The following STK10 variants were observed in gnomAD, a reference collection of about 807,000 sequenced individuals.
STK10 encodes serine/threonine kinase 10, also known as serine/threonine-protein kinase 10.
A neutral mutation model predicts 113.8 loss-of-function variants in STK10; 78 were observed. The ratio of observed to expected loss-of-function variants is 0.69; its 90% CI spans 0.57 to 0.83. STK10 has a LOEUF of 0.83. Among genes scored for constraint, STK10 ranks in the 40% least tolerant of loss-of-function variants. The probability of loss-of-function intolerance (pLI) is 0.00; values close to 1 mark genes in which losing one functional copy is unlikely to be tolerated. For synonymous variants in STK10, 465 were observed against 494.7 expected (o/e 0.94, Z 0.80); for missense variants, 1,109 against 1,280.1 (o/e 0.87, Z 2.04).
chr5:172,053,136 G>A, intron 17 of STK10, 94 bp from the exon 18 acceptor site: 1 of 892,384 alleles, frequency 1.1e-6, no homozygotes, highest in South Asian at 1.5e-5. Context: ...GAGGGCACCA[G>A]CATCGTTCAT....
chr5:172,064,513 A>G (rs1768022179), intron 13 of STK10: 1 of 603,254 alleles, frequency 1.7e-6, no homozygotes, highest in African/African-American at 1.9e-5. Flanking sequence ...CAGAGATGGA[A>G]GAGCTTACTT....
rs138800159 is a variant in STK10 at position 172,159,209 on chromosome 5, A to G, written c.157-2421T>C. On this transcript the variant is annotated intron_variant, in intron 1 of 18. Coordinates refer to ENST00000176763, the MANE Select transcript of STK10 (RefSeq NM_005990.4). Reference sequence around the variant, plus strand: ...GTTGGTGGGGAATGCTGCAGCAAACATCTCACCCACCCTGCTGCATGGGGT... The same window carrying G: ...GTTGGTGGGGAATGCTGCAGCAAACGTCTCACCCACCCTGCTGCATGGGGT... Among the ~76,000 whole-genome samples the G allele has an allele frequency of 1.2e-4, 18 of 152,288 alleles. No individual in the cohort carries two copies. The East Asian group carries it at 3.3e-3, about 28-fold the overall frequency.
intron 2 of STK10, among the ~76,000 whole-genome samples, chr5:172,153,577 A>G (rs1770290459): frequency 6.6e-6 from 1 of 152,228 alleles, no homozygotes; most frequent in African/African-American, 2.4e-5. Flanking sequence ...ATGGCTACAG[A>G]AGGGACCTAA....
At position 172,188,022 on chromosome 5, in the gene STK10, G is replaced by A; in HGVS notation, c.21C>T (p.Arg7=). Residue 7 remains arginine (R), a synonymous_variant, in exon 1 of 19, where the codon CGC becomes CGT. Transcript: ENST00000176763. The surrounding 1 kb of genome is among the most constrained non-coding windows in gnomAD (Gnocchi z 5.6). MAFANF[R]RILRLSTFEK... is the part of the protein sequence containing the mutation. ...CGAAGGTAGACAGGCGCAGGATGCG[G>A]CGGAAATTGGCAAAAGCCATGGCCG... is the stretch of plus-strand genomic sequence containing the variant. 2 of 1,612,948 alleles carry A rather than the reference G, an allele frequency of 1.2e-6. No homozygotes were observed. Among genetic ancestry groups the A allele is most frequent in the Non-Finnish European group, 1.7e-6 (2 of 1,179,668 alleles).
chr5:172,178,573 A>T (rs1442161939), intron 1 of STK10, among the ~76,000 whole-genome samples: 1 of 152,166 alleles, frequency 6.6e-6, no homozygotes, highest in Non-Finnish European at 1.5e-5. Flanking sequence ...CTACTCAGGC[A>T]ATTCTCACAA....
chr5:172,160,390 G>T (rs1770447058), intron 1 of STK10, among the ~76,000 whole-genome samples: 1 of 151,656 alleles, frequency 6.6e-6, no homozygotes, highest in South Asian at 2.1e-4. Context: ...TGGGAGAACT[G>T]CTTGAACCTG....
intron 14 of STK10, among the ~76,000 whole-genome samples, chr5:172,059,434 CA>C (rs58446505): frequency 0.068 from 3,849 of 56,994 alleles, 28 homozygotes; most frequent in Non-Finnish European, 0.11. Context: ...CTCTCCATCT[CA>C]AAAAAAAAAA....
intron 1 of STK10, among the ~76,000 whole-genome samples, chr5:172,169,474 G>T (rs1479937402): frequency 2.6e-5 from 4 of 151,770 alleles, no homozygotes; most frequent in African/African-American, 9.7e-5. Flanking sequence ...TGGATGAGAG[G>T]TTGGGTGAAT....
At chr5:172,166,158 C>T (rs967080182) in intron 1 of STK10, among the ~76,000 whole-genome samples, 1 of 152,134 alleles carries the variant, frequency 6.6e-6, no homozygotes, top group Non-Finnish European at 1.5e-5. Flanking sequence ...GCTGCTAAAT[C>T]GGTAGAATGA....
At chr5:172,142,913 T>C (rs1770007394) in intron 2 of STK10, among the ~76,000 whole-genome samples, 1 of 152,192 alleles carries the variant, frequency 6.6e-6, no homozygotes, top group African/African-American at 2.4e-5. Context: ...GCCCCTCTGC[T>C]TCTTTGCTCC....
chr5:172,122,692 A>C (rs559352244), intron 3 of STK10, among the ~76,000 whole-genome samples: 2 of 152,168 alleles, frequency 1.3e-5, no homozygotes, highest in Non-Finnish European at 2.9e-5. Context: ...GGCACGATCT[A>C]GGCTCACTGC....
intron 10 of STK10, among the ~76,000 whole-genome samples, chr5:172,083,553 G>C (rs1431508143): frequency 6.6e-6 from 1 of 152,160 alleles, no homozygotes; most frequent in Non-Finnish European, 1.5e-5. Context: ...TTTTGACATA[G>C]TAGTTTCCAC....
At chr5:172,055,397 C>A (rs1337316579) in intron 16 of STK10, among the ~76,000 whole-genome samples, 191 bp downstream of exon 16, 1 of 151,968 alleles carries the variant, frequency 6.6e-6, no homozygotes. Context: ...GCTGTGTTGC[C>A]CAGGCTGGTC....
intron 12 of STK10, among the ~76,000 whole-genome samples, chr5:172,081,028 A>C (rs1318606394): frequency 6.6e-6 from 1 of 152,140 alleles, no homozygotes; most frequent in Non-Finnish European, 1.5e-5. Context: ...GCCAATGCTC[A>C]TTTACCATTT....
At chr5:172,119,629 CCGAGGTGGGAGGATCA>C (rs1193380165) in intron 3 of STK10, among the ~76,000 whole-genome samples, 1 of 152,022 alleles carries the variant, frequency 6.6e-6, no homozygotes, top group Non-Finnish European at 1.5e-5. Flanking sequence ...TTTTGGGAGG[CCGAGGTGGGAGGATCA>C]CGAGGTCAGG....
chr5:172,052,596 T>A (rs1192413273), intron 18 of STK10, among the ~76,000 whole-genome samples: 3 of 152,200 alleles, frequency 2.0e-5, no homozygotes, highest in Admixed American at 6.5e-5. Context: ...CAGAATAACT[T>A]CCTCTAAGAG....
chr5:172,156,942 T>C (rs977708337), intron 1 of STK10, among the ~76,000 whole-genome samples, 154 bp from the exon 2 acceptor site: 1 of 152,124 alleles, frequency 6.6e-6, no homozygotes, highest in African/African-American at 2.4e-5. Context: ...TAGCCACACA[T>C]CATGTCTGTA....
rs1351474030 is a variant in STK10 at position 172,188,147 on chromosome 5, C to T, written c.-105G>A. 2.0e-6 allele frequency: 3 copies of T among 1,490,398 alleles called. No homozygotes were observed. The South Asian group carries it at 4.0e-5, about 20-fold the overall frequency. 92.3% of individuals were successfully genotyped at this position (1,490,398 alleles called of 1,614,324 possible). ...AGGAGTTGGAGGACGCCGCGTCTCT[C>T]GGGGTTCTCCCCAGACCCGCCTTTC... On this transcript the variant is annotated 5_prime_UTR_variant, in exon 1 of 19. Transcript: ENST00000176763. This position sits in a 1 kb window ranked among gnomAD's most constrained non-coding sequence, Gnocchi z 5.6.
At chr5:172,090,115 C>T (rs1019955793) in intron 10 of STK10, 117 bp downstream of exon 10, 2 of 1,458,234 alleles carry the variant, frequency 1.4e-6, no homozygotes, top group African/African-American at 2.8e-5. Flanking sequence ...CTTTTGCCTC[C>T]TTGATTCCCC....
Sources: gnomAD v4.1 joint callset for allele counts (sites outside exome capture counted in the v4.1 genomes callset) on GRCh38, gnomAD v4.1.1 for gene constraint, Gnocchi (gnomAD v3.1) non-coding constraint, MANE v1.5 for transcripts, NCBI Gene and HGNC (gene_info 2026-07-23, HGNC 2026-07-21) for gene names.